Variants in ZSCAN5A observed in about 807,000 individuals in gnomAD.
ZSCAN5A encodes the protein zinc finger and SCAN domain-containing protein 5A.
Under a neutral mutation model 23.7 loss-of-function variants are expected in ZSCAN5A, and 12 were observed. That is an observed-to-expected ratio of 0.51 (90% CI 0.32 to 0.82). ZSCAN5A has a LOEUF of 0.82. ZSCAN5A is among the 40% of genes least tolerant of loss of function. ZSCAN5A has a pLI of 0.03. For synonymous variants in ZSCAN5A, 257 were observed against 239.9 expected (o/e 1.07, Z -0.66); for missense variants, 597 against 617.9 (o/e 0.97, Z 0.36).
chr19:56,295,003 AGTGACT>A (rs1409966366), intron 2 of ZSCAN5A: 1 of 152,186 alleles, frequency 6.6e-6, no homozygotes, highest in Non-Finnish European at 1.5e-5. Context: ...AGAGATGGGG[AGTGACT>A]GCTCAGGGGC....
At chr19:56,247,886 T>A (rs1030312271) in intron 2 of ZSCAN5A, among the ~76,000 whole-genome samples, 1 of 151,858 alleles carries the variant, frequency 6.6e-6, no homozygotes, top group African/African-American at 2.4e-5. Context: ...AGAGACGTGG[T>A]TTCACCTGTT....
At chr19:56,284,232 C>T in intron 2 of ZSCAN5A, 1 of 962,990 alleles carries the variant, frequency 1.0e-6, no homozygotes, top group Non-Finnish European at 1.2e-6. Context: ...CTTCACAATG[C>T]CCCCAGACTG....
rs2033953376 is a variant in ZSCAN5A, at chr19:56,226,516, G to A, written c.-127-1343C>T. The stretch of plus-strand genomic sequence containing the variant: ...GGGACATGCAAATCCAAACCACAAG[G>A]CACCCCTCACGCCTGCTAGAGTGGC... On this transcript the variant is annotated intron_variant, in intron 2 of 5. Transcript: ENST00000683990. Among the ~76,000 whole-genome samples, 3 of 152,214 alleles carry A rather than the reference G, an allele frequency of 2.0e-5. No individual in the cohort carries two copies. In the South Asian group the frequency reaches 6.2e-4, roughly 32 times the overall value.
At chr19:56,264,268 A>C (rs1240592616) in intron 2 of ZSCAN5A, among the ~76,000 whole-genome samples, 1 of 152,190 alleles carries the variant, frequency 6.6e-6, no homozygotes, top group Non-Finnish European at 1.5e-5. Flanking sequence ...TGTTGGGATT[A>C]CAGGCATGAG....
At chr19:56,247,134 G>A (rs574962960) in intron 2 of ZSCAN5A, 2 of 669,862 alleles carry the variant, frequency 3.0e-6, no homozygotes, top group Non-Finnish European at 5.4e-6. Flanking sequence ...ACACAGGAGA[G>A]AGACCCTTTC....
chr19:56,288,520 T>G (rs566849647), intron 2 of ZSCAN5A, among the ~76,000 whole-genome samples: 22 of 152,230 alleles, frequency 1.4e-4, no homozygotes, highest in African/African-American at 5.3e-4. Flanking sequence ...ATACCCCACT[T>G]TTGATGCTTT....
intron 2 of ZSCAN5A, among the ~76,000 whole-genome samples, chr19:56,328,651 C>T (rs1251071548): frequency 6.9e-6 from 1 of 145,026 alleles, no homozygotes; most frequent in African/African-American, 2.6e-5. Flanking sequence ...AAAAATTGTT[C>T]CAAAAAATGG....
chr19:56,239,243 G>A (rs566799100), intron 2 of ZSCAN5A, among the ~76,000 whole-genome samples: 16 of 152,322 alleles, frequency 1.1e-4, no homozygotes, highest in Admixed American at 9.2e-4. Context: ...TATGTTAAGT[G>A]TTAGATGAGA....
intron 2 of ZSCAN5A, among the ~76,000 whole-genome samples, chr19:56,330,618 C>T (rs1383620690): frequency 6.6e-6 from 1 of 152,096 alleles, no homozygotes; most frequent in Non-Finnish European, 1.5e-5. Context: ...TGTTTGTTGG[C>T]TGCTTGTTTT....
At chr19:56,249,962 T>C (rs2036225504) in intron 2 of ZSCAN5A, among the ~76,000 whole-genome samples, 1 of 152,190 alleles carries the variant, frequency 6.6e-6, no homozygotes, top group Non-Finnish European at 1.5e-5. Context: ...AGACCAGAGA[T>C]CCTCAGAACT....
rs532278029 is a variant in ZSCAN5A at position 56,352,968 on chromosome 19, G to A, written c.-358+10267C>T. Among the ~76,000 whole-genome samples the A allele has an allele frequency of 6.6e-6, 1 of 152,330 alleles. No homozygotes were observed. Among genetic ancestry groups the A allele is most frequent in the Admixed American group, 6.5e-5 (1 of 15,304 alleles). On this transcript the variant is annotated intron_variant, in intron 2 of 6. Transcript: ENST00000587340. The surrounding 1 kb of genome is among the most constrained non-coding windows in gnomAD (Gnocchi z 4.2). ...ATACATTTTCAGGGGGAAGAGGGCT[G>A]TCCTGTGCATTGTAGGATGTTTAGC...
intron 2 of ZSCAN5A, among the ~76,000 whole-genome samples, chr19:56,309,881 G>C (rs1406375249): frequency 6.6e-6 from 1 of 152,210 alleles, no homozygotes; most frequent in African/African-American, 2.4e-5. Flanking sequence ...ATGGGGCAGA[G>C]CTAGGGTCCA....
intron 2 of ZSCAN5A, among the ~76,000 whole-genome samples, chr19:56,339,708 C>T (rs10407754): frequency 8.1e-5 from 3 of 37,236 alleles, no homozygotes; most frequent in South Asian, 1.6e-3. Flanking sequence ...GAAGGAGCGG[C>T]TGTAGCCGCA....
At chr19:56,361,896 A>G (rs2041735855) in intron 2 of ZSCAN5A, among the ~76,000 whole-genome samples, 2 of 152,048 alleles carry the variant, frequency 1.3e-5, no homozygotes, top group African/African-American at 4.8e-5. Context: ...GGTGGCTCAC[A>G]CCTGTAATCC....
rs11374260 is a variant in ZSCAN5A at position 56,284,513 on chromosome 19, AT to A, written c.-128+28769del. Among the ~76,000 whole-genome samples the A allele has an allele frequency of 7.0e-3, 824 of 118,306 alleles. 8 individuals are homozygous for A. The highest frequency in any genetic ancestry group is 0.034 in the East Asian group (148 of 4,308). The allele number at this position is 118,306 out of a possible 152,430, so 77.6% of individuals were successfully genotyped here. ...TTAGAGACAAGTGATGCTTGCTGTA[AT>A]TTTTTTTTTTTTTTTTTTTTGAGAC... On this transcript the variant is annotated intron_variant, in intron 2 of 5. Coordinates refer to ENST00000683990, the MANE Select transcript of ZSCAN5A (RefSeq NM_001322064.3).
At chr19:56,341,702 CAAAA>C (rs1175628460) in intron 2 of ZSCAN5A, among the ~76,000 whole-genome samples, 5,674 of 53,700 alleles carry the variant, frequency 0.11, 85 homozygotes, top group Middle Eastern at 0.3. Context: ...TACCAAAAGG[CAAAA>C]AAAAAAAAAA....
At chr19:56,226,480 ACTC>A (rs1477006154) in intron 2 of ZSCAN5A, among the ~76,000 whole-genome samples, 1 of 152,086 alleles carries the variant, frequency 6.6e-6, no homozygotes, top group Non-Finnish European at 1.5e-5. Context: ...GCTCATTATC[ACTC>A]ATCATCAGGG....
chr19:56,271,846 C>A lies in ZSCAN5A; in HGVS notation c.-128+41437G>T, dbSNP rs368823603. ...ACACTCTGCCTTTATTCCAGGAGTC[C>A]AGAGGGATACTGGGTCAAGTTCATA... is the stretch of plus-strand genomic sequence containing the variant. On this transcript the variant is annotated intron_variant, in intron 2 of 5. Transcript: ENST00000683990. Among the ~76,000 whole-genome samples the A allele has an allele frequency of 5.3e-5, 8 of 152,244 alleles. No individual in the cohort carries two copies. The South Asian group carries it at 1.5e-3, about 28-fold the overall frequency.
chr19:56,356,974 C>T (rs2041703975), intron 2 of ZSCAN5A, among the ~76,000 whole-genome samples: 1 of 148,732 alleles, frequency 6.7e-6, no homozygotes, highest in African/African-American at 2.5e-5. Context: ...TCTAAGATTA[C>T]CTTGATTTTT....
Sources: gnomAD v4.1 joint callset for allele counts (sites outside exome capture counted in the v4.1 genomes callset) on GRCh38, gnomAD v4.1.1 for gene constraint, Gnocchi (gnomAD v3.1) non-coding constraint, MANE v1.5 for transcripts, NCBI Gene and HGNC (gene_info 2026-07-23, HGNC 2026-07-21) for gene names.